The following PLEKHA7 variants were observed in gnomAD, a reference collection of about 807,000 sequenced individuals.
PLEKHA7 encodes the protein pleckstrin homology domain-containing family A member 7.
A neutral mutation model predicts 170.0 loss-of-function variants in PLEKHA7; 104 were observed. The observed-to-expected ratio is 0.61, with a 90% confidence interval of 0.52 to 0.72. The LOEUF is 0.72. Ranked by LOEUF, PLEKHA7 falls within the 30% of genes least tolerant of loss-of-function variation. The pLI, the probability that PLEKHA7 is intolerant of heterozygous loss-of-function variation, is 0.00. For synonymous variants in PLEKHA7, 648 were observed against 660.8 expected, an observed-to-expected ratio of 0.98 and a Z score of 0.30; for missense variants, 1,615 against 1,671.7, an observed-to-expected ratio of 0.97 and a Z score of 0.59.
At chr11:17,010,709 T>C (rs1056416595) in intron 3 of PLEKHA7, among the ~76,000 whole-genome samples, 8 of 152,198 alleles carry the variant, frequency 5.3e-5, no homozygotes, top group African/African-American at 1.9e-4. Context: ...AAGGAGCCAT[T>C]AGGAAAAATA....
chr11:16,895,617 G>A (rs1047336888), intron 3 of PLEKHA7, among the ~76,000 whole-genome samples: 4 of 152,220 alleles, frequency 2.6e-5, no homozygotes, highest in African/African-American at 4.8e-5. Context: ...AATTCCTCAA[G>A]TGTCTATTAA....
chr11:16,788,974 T>C, intron 23 of PLEKHA7, 122 bp downstream of exon 23: 1 of 1,283,248 alleles, frequency 7.8e-7, no homozygotes, highest in Middle Eastern at 2.7e-4. Flanking sequence ...GGGTGTTCTC[T>C]GAACCATGTA....
In PLEKHA7 at chr11:16,826,213, G is replaced by T; in HGVS notation, c.1250C>A (p.Pro417His). 1 of 1,614,230 alleles carries T rather than the reference G, an allele frequency of 6.2e-7. No homozygotes were observed. Among genetic ancestry groups the T allele is most frequent in the South Asian group, 1.1e-5 (1 of 91,074 alleles). ...GTGTTTTTCAGGGTTGGTCCTGGGAGGAAAGGCCCGCTGGTACCCACCAGT... is the reference window on the plus strand; with the variant it reads ...GTGTTTTTCAGGGTTGGTCCTGGGATGAAAGGCCCGCTGGTACCCACCAGT... The part of the protein sequence containing the change: ...NGTGGYQRAF[P>H]PRTNPEKHSQ... Residue 417 changes from proline (P) to histidine (H), a missense_variant, in exon 10 of 27, where the codon CCT (proline) becomes CAT (histidine). Coordinates refer to ENST00000531066, the MANE Select transcript of PLEKHA7 (RefSeq NM_001329630.2).
In PLEKHA7 at chr11:16,926,633, AT is replaced by A. The variant is rs199811150; in HGVS notation, c.222-55452del. Among the ~76,000 whole-genome samples, 104 of 152,322 alleles carry A rather than the reference AT, an allele frequency of 6.8e-4. No homozygotes were observed. In the East Asian group the frequency reaches 0.02, roughly 29 times the overall value. On this transcript the variant is annotated intron_variant, in intron 3 of 26. Transcript: ENST00000531066. ...TCAAGAAAGGATCCCTGACGAAGTG[AT>A]ACTTGACAAAGCTGAGACGTTACCC...
rs562989569 is a variant in PLEKHA7, at chr11:16,927,588, G to T, written c.222-56406C>A. Among the ~76,000 whole-genome samples, 27 of 152,258 alleles carry T rather than the reference G, an allele frequency of 1.8e-4. No individual in the cohort carries two copies. In the South Asian group the frequency reaches 5.4e-3, roughly 30 times the overall value. ...TGGGTCATCCAAAAAAACAAAAAAG[G>T]CATGCTATGCAAGACTCCTTTGAAT... On this transcript the variant is annotated intron_variant, in intron 3 of 26. Coordinates refer to ENST00000531066, the MANE Select transcript of PLEKHA7 (RefSeq NM_001329630.2).
Position 16,813,164 on chromosome 11 carries a change from A to T in PLEKHA7, c.1956T>A (p.Ala652=). Reference sequence around the variant, plus strand: ...TCTTCAGCTGGAGGTAGGTATCATCAGCCTTCAAATGAAGCAGAGAGGAAA... The same window carrying T: ...TCTTCAGCTGGAGGTAGGTATCATCTGCCTTCAAATGAAGCAGAGAGGAAA... The part of the protein sequence containing the change: ...VSAPSLHGKS[A]DDTYLQLKKD... Residue 652 remains alanine (A), a splice_region_variant and synonymous_variant, in exon 13 of 27, where the codon GCT becomes GCA. Coordinates refer to ENST00000531066, the MANE Select transcript of PLEKHA7 (RefSeq NM_001329630.2). The T allele has an allele frequency of 1.2e-6, 2 of 1,613,310 alleles. No individual in the cohort carries two copies. The highest frequency in any genetic ancestry group is 2.2e-5 in the South Asian group (2 of 91,050).
rs773999926 is a variant in PLEKHA7, at chr11:16,944,081, C to T, written c.221+69908G>A. 3.9e-4 allele frequency among the ~76,000 whole-genome samples: 59 copies of T among 152,114 alleles called. 1 individual carries two copies. Among genetic ancestry groups the T allele is most frequent in the African/African-American group, 4.8e-4 (20 of 41,426 alleles). Reference sequence around the variant, plus strand: ...TGAAAGAATTAAAGTGGGCCGGGTGCGGTGGCTCACACCTGAAATCCCAGC... The same window carrying T: ...TGAAAGAATTAAAGTGGGCCGGGTGTGGTGGCTCACACCTGAAATCCCAGC... On this transcript the variant is annotated intron_variant, in intron 3 of 26. Transcript: ENST00000531066.
chr11:16,878,393 TAC>T (rs1410222907), intron 3 of PLEKHA7, among the ~76,000 whole-genome samples: 1 of 152,184 alleles, frequency 6.6e-6, no homozygotes, highest in Admixed American at 6.6e-5. Flanking sequence ...AGCTCTACTT[TAC>T]ACACAGAGTA....
intron 3 of PLEKHA7, among the ~76,000 whole-genome samples, chr11:16,950,149 C>T (rs1181891829): frequency 2.6e-5 from 4 of 151,914 alleles, no homozygotes; most frequent in Non-Finnish European, 4.4e-5. Context: ...GAGAACAGAG[C>T]GCTGAGAACC....
At chr11:16,782,302 C>T (rs974117346) in intron 26 of PLEKHA7, among the ~76,000 whole-genome samples, 1 of 152,110 alleles carries the variant, frequency 6.6e-6, no homozygotes, top group Non-Finnish European at 1.5e-5. Flanking sequence ...AGTTTAGAGA[C>T]GAAGGCAGGG....
At chr11:16,852,465 GT>G in intron 6 of PLEKHA7, 110 bp from the exon 7 acceptor site, 2 of 811,222 alleles carry the variant, frequency 2.5e-6, no homozygotes, top group Non-Finnish European at 3.8e-6. Flanking sequence ...TTCACTCTTT[GT>G]TTTAATAAAT....
chr11:16,960,719 C>G (rs1862006474), intron 3 of PLEKHA7, among the ~76,000 whole-genome samples: 1 of 150,952 alleles, frequency 6.6e-6, no homozygotes, highest in Non-Finnish European at 1.5e-5. Context: ...AGGAGAGGTG[C>G]TTAAATAATA....
chr11:16,888,144 G>A (rs975093208), intron 3 of PLEKHA7, among the ~76,000 whole-genome samples: 2 of 151,870 alleles, frequency 1.3e-5, no homozygotes, highest in African/African-American at 4.8e-5. Flanking sequence ...GAAGTGAGGA[G>A]CCCCTCCACC....
At chr11:16,826,082 T>A in intron 10 of PLEKHA7, 38 bp downstream of exon 10, 1 of 1,580,340 alleles carries the variant, frequency 6.3e-7, no homozygotes, top group East Asian at 2.2e-5. Flanking sequence ...TACATTATCG[T>A]GCTCGTTATA....
rs1276573200 is a variant in PLEKHA7 at position 16,791,350 on chromosome 11, C to T, written c.2746-151G>A. ...CCTCAGCCAAGGAGCACTCACACTT[C>T]CCCTGGCGGAGCAGTGAAGAAGGGA... is the stretch of plus-strand genomic sequence containing the variant. On this transcript the variant is annotated intron_variant, in intron 19 of 26. Transcript: ENST00000531066. This position sits in a 1 kb window ranked among gnomAD's most constrained non-coding sequence, Gnocchi z 4.5. 3 of 698,512 alleles carry T rather than the reference C, an allele frequency of 4.3e-6. No homozygotes were observed. In the East Asian group the frequency reaches 8.2e-5, roughly 19 times the overall value. 43.3% of individuals were successfully genotyped at this position (698,512 alleles called of 1,614,324 possible).
chr11:16,840,770 T>C (rs1851887025), intron 9 of PLEKHA7, among the ~76,000 whole-genome samples: 1 of 152,116 alleles, frequency 6.6e-6, no homozygotes, highest in African/African-American at 2.4e-5. Context: ...ATGAGGTCTG[T>C]ACACTGCATG....
intron 13 of PLEKHA7, 62 bp from the exon 14 acceptor site, chr11:16,803,357 G>A (rs149649077): frequency 6.6e-7 from 1 of 1,522,906 alleles, no homozygotes; most frequent in African/African-American, 1.4e-5. Context: ...ACTCAGGAAA[G>A]AAAATTCATC....
At chr11:16,920,630 T>C (rs775021472) in intron 3 of PLEKHA7, among the ~76,000 whole-genome samples, 6 of 152,132 alleles carry the variant, frequency 3.9e-5, no homozygotes, top group Non-Finnish European at 7.4e-5. Flanking sequence ...TGCCTCTGAG[T>C]CCGAAAAGTC....
At position 16,817,094 on chromosome 11, in the gene PLEKHA7, G is replaced by A. The variant is rs140249022; in HGVS notation, c.1572C>T (p.Tyr524=). The change falls in exon 11 of 27, where the codon TAC becomes TAT. Residue 524 remains tyrosine, a synonymous_variant. Coordinates refer to ENST00000531066, the MANE Select transcript of PLEKHA7 (RefSeq NM_001329630.2). This position sits in a 1 kb window ranked among gnomAD's most constrained non-coding sequence, Gnocchi z 4.4. ...GGAACTGCTGGCGCTGCTGCCACTCGTAGAGCTGCCACACGGTGCCATCCC... is the reference window on the plus strand; with the variant it reads ...GGAACTGCTGGCGCTGCTGCCACTCATAGAGCTGCCACACGGTGCCATCCC... ...AHRDGTVWQL[Y]EWQQRQQFRH... The A allele has an allele frequency of 1.4e-3, 2,245 of 1,613,848 alleles. 7 individuals are homozygous for A. Among genetic ancestry groups the A allele is most frequent in the Middle Eastern group, 4.1e-3 (25 of 6,060 alleles).
Sources: allele counts gnomAD v4.1 joint callset (sites outside exome capture counted in the v4.1 genomes callset), GRCh38; gene constraint gnomAD v4.1.1; non-coding constraint Gnocchi (gnomAD v3.1); transcripts MANE v1.5; gene names NCBI Gene and HGNC (gene_info 2026-07-23, HGNC 2026-07-21).